The following PITPNC1 variants were observed in gnomAD, a reference collection of about 807,000 sequenced individuals.
The protein encoded by PITPNC1 is cytoplasmic phosphatidylinositol transfer protein 1.
PITPNC1 carries 18 observed loss-of-function variants against 44.7 expected under a neutral mutation model. That is an observed-to-expected ratio of 0.40 (90% CI 0.28 to 0.60). The LOEUF is 0.60. Ranked by LOEUF, PITPNC1 falls within the 20% of genes least tolerant of loss-of-function variation. The probability of loss-of-function intolerance (pLI) is 0.39; values close to 1 mark genes in which losing one functional copy is unlikely to be tolerated. For synonymous variants in PITPNC1, 141 were observed against 149.6 expected (o/e 0.94, Z 0.42); for missense variants, 290 against 418.4 (o/e 0.69, Z 2.68).
At chr17:67,547,434 T>G (rs1182691379) in intron 2 of PITPNC1, among the ~76,000 whole-genome samples, 1 of 152,128 alleles carries the variant, frequency 6.6e-6, no homozygotes, top group Non-Finnish European at 1.5e-5. Flanking sequence ...GAGGATCACT[T>G]AAGCCCAGGA....
intron 5 of PITPNC1, among the ~76,000 whole-genome samples, chr17:67,583,961 G>A (rs1254483572): frequency 1.3e-5 from 2 of 148,602 alleles, no homozygotes; most frequent in Non-Finnish European, 3.0e-5. Context: ...GGATGGTCTC[G>A]ATCTCCCGAC....
chr17:67,589,564 C>T (rs1386600076), intron 5 of PITPNC1, among the ~76,000 whole-genome samples: 1 of 147,564 alleles, frequency 6.8e-6, no homozygotes, highest in African/African-American at 2.5e-5. Context: ...GTATCAAGGT[C>T]TGAATGTCCA....
At chr17:67,388,325 C>T (rs1282796605) in intron 1 of PITPNC1, among the ~76,000 whole-genome samples, 4 of 140,398 alleles carry the variant, frequency 2.8e-5, no homozygotes, top group South Asian at 4.3e-4. Context: ...TTCTTTTTTT[C>T]GTGTTTTTTT....
rs1161756744 is a variant in PITPNC1, at chr17:67,693,989, A to C, written c.*1101A>C. ...AAATATTGGGAATGTCACAGACATC[A>C]AGCAACTACTGTCAAGTGGGAGGAG... On this transcript the variant is annotated 3_prime_UTR_variant, in exon 9 of 9. Transcript: ENST00000581322. 1.3e-5 allele frequency: 2 copies of C among 152,242 alleles called. No individual in the cohort carries two copies. Among genetic ancestry groups the C allele is most frequent in the South Asian group, 2.1e-4 (1 of 4,832 alleles). The allele number at this position is 152,242 out of a possible 1,614,324, so 9.4% of individuals were successfully genotyped here. A position where few individuals can be genotyped will look rare whatever the true frequency, so the allele number is the denominator to read the frequency against.
chr17:67,584,615 C>A (rs886388676), intron 5 of PITPNC1, among the ~76,000 whole-genome samples: 2 of 152,160 alleles, frequency 1.3e-5, no homozygotes, highest in Non-Finnish European at 2.9e-5. Flanking sequence ...CATGGAAGCA[C>A]TTCATAAACT....
At chr17:67,635,944 G>T (rs1453133915) in intron 6 of PITPNC1, among the ~76,000 whole-genome samples, 1 of 152,182 alleles carries the variant, frequency 6.6e-6, no homozygotes, top group African/African-American at 2.4e-5. Context: ...TATCTAGAGT[G>T]TAGAGGCCAG....
chr17:67,590,815 T>C (rs9893072), intron 5 of PITPNC1, among the ~76,000 whole-genome samples: 11,356 of 152,026 alleles, frequency 0.075, 481 homozygotes, highest in Admixed American at 0.12. Flanking sequence ...TAGCCGGGCG[T>C]GGTGGTGGGC....
rs150411411 is a variant in PITPNC1 at position 67,499,677 on chromosome 17, A to C, written c.49-33125A>C. ...TATATGATGGTGGTCTTATGAGATTATAATGCTGTATTTTTACTGTACCTT... is the reference window on the plus strand; with the variant it reads ...TATATGATGGTGGTCTTATGAGATTCTAATGCTGTATTTTTACTGTACCTT... On this transcript the variant is annotated intron_variant, in intron 1 of 8. Coordinates refer to ENST00000581322, the MANE Select transcript of PITPNC1 (RefSeq NM_012417.4). Among the ~76,000 whole-genome samples, 659 of 152,358 alleles carry C rather than the reference A, an allele frequency of 4.3e-3. 1 individual carries two copies. The highest frequency in any genetic ancestry group is 7.8e-3 in the Non-Finnish European group (530 of 68,030).
chr17:67,458,973 T>G (rs1319798059), intron 1 of PITPNC1, among the ~76,000 whole-genome samples: 15 of 152,090 alleles, frequency 9.9e-5, no homozygotes, highest in Non-Finnish European at 2.2e-4. Context: ...AGAGGTTTTT[T>G]TCACTTAGAA....
chr17:67,603,578 T>C (rs913074183), intron 5 of PITPNC1, among the ~76,000 whole-genome samples: 20 of 152,208 alleles, frequency 1.3e-4, no homozygotes, highest in African/African-American at 4.6e-4. Flanking sequence ...TAGTTTAGCC[T>C]TGGAGCACGT....
intron 1 of PITPNC1, among the ~76,000 whole-genome samples, chr17:67,482,265 A>G (rs1449767271): frequency 6.6e-6 from 1 of 152,188 alleles, no homozygotes; most frequent in Non-Finnish European, 1.5e-5. Flanking sequence ...AATTTTTTAA[A>G]TATATGGTTT....
At chr17:67,626,890 GATGCTA>G (rs1246089995) in intron 5 of PITPNC1, among the ~76,000 whole-genome samples, 2 of 151,552 alleles carry the variant, frequency 1.3e-5, no homozygotes, top group Non-Finnish European at 2.9e-5. Context: ...TTGGAAAGTA[GATGCTA>G]ATGCCTTCTG....
chr17:67,632,604 G>A (rs1048476519), intron 6 of PITPNC1, among the ~76,000 whole-genome samples: 6 of 133,510 alleles, frequency 4.5e-5, no homozygotes, highest in Non-Finnish European at 7.8e-5. Flanking sequence ...TTTTTGAGAT[G>A]GAGTCTCGCC....
chr17:67,621,483 C>T (rs1441026943), intron 5 of PITPNC1, among the ~76,000 whole-genome samples: 5 of 152,242 alleles, frequency 3.3e-5, no homozygotes, highest in East Asian at 1.9e-4. Context: ...GTTTGGATTA[C>T]AGGTGTGAGC....
At chr17:67,670,796 C>T (rs2042500648) in intron 7 of PITPNC1, among the ~76,000 whole-genome samples, 1 of 150,810 alleles carries the variant, frequency 6.6e-6, no homozygotes, top group Non-Finnish European at 1.5e-5. Context: ...ATTCTGTTAC[C>T]AAATAATTGT....
intron 2 of PITPNC1, among the ~76,000 whole-genome samples, chr17:67,542,111 A>G (rs1436925864): frequency 2.6e-5 from 4 of 152,202 alleles, no homozygotes; most frequent in Non-Finnish European, 4.4e-5. Context: ...TCAGTCATTG[A>G]TTGTCCTGAT....
Position 67,692,248 on chromosome 17 carries a change from TACAC to T in PITPNC1, c.683-316_683-313del, listed in dbSNP as rs1327806975. On this transcript the variant is annotated intron_variant, in intron 8 of 8. Transcript: ENST00000581322. ...ACAGATGCACACGGGTGCACACACA[TACAC>T]ACACACAGGCACATATTTCCCCCGT... Among the ~76,000 whole-genome samples, 6 of 152,028 alleles carry T rather than the reference TACAC, an allele frequency of 3.9e-5. No homozygotes were observed. The South Asian group carries it at 6.2e-4, about 16-fold the overall frequency.
intron 4 of PITPNC1, among the ~76,000 whole-genome samples, chr17:67,564,097 A>G (rs2040941817): frequency 1.3e-5 from 2 of 152,006 alleles, no homozygotes; most frequent in Non-Finnish European, 2.9e-5. Flanking sequence ...ATATTAACAG[A>G]TAGATGGATA....
intron 1 of PITPNC1, among the ~76,000 whole-genome samples, chr17:67,460,519 G>T (rs1056157842): frequency 1.3e-5 from 2 of 151,932 alleles, no homozygotes; most frequent in East Asian, 3.9e-4. Context: ...TGTCTCTCGG[G>T]CTCAAGCAAT....
Sources: gnomAD v4.1 joint callset for allele counts (sites outside exome capture counted in the v4.1 genomes callset) on GRCh38, gnomAD v4.1.1 for gene constraint, MANE v1.5 for transcripts, NCBI Gene and HGNC (gene_info 2026-07-23, HGNC 2026-07-21) for gene names.